The following TENM3 variants were observed in gnomAD, a reference collection of about 807,000 sequenced individuals.
TENM3 encodes the protein teneurin-3.
A neutral mutation model predicts 255.1 loss-of-function variants in TENM3; 63 were observed. The observed-to-expected ratio is 0.25, with a 90% CI of 0.20 to 0.30. The LOEUF (loss-of-function observed/expected upper bound fraction) is 0.30. Among genes scored for constraint, TENM3 ranks in the 10% least tolerant of loss-of-function variants. The probability of loss-of-function intolerance (pLI) is 1.00; values close to 1 mark genes in which losing one functional copy is unlikely to be tolerated. For synonymous variants in TENM3, 1,306 were observed against 1,322.3 expected (o/e 0.99, Z 0.27); for missense variants, 2,929 against 3,461.1 (o/e 0.85, Z 3.86).
At chr4:182,147,082 C>T (rs544367109) in intron 1 of TENM3, among the ~76,000 whole-genome samples, 2 of 152,128 alleles carry the variant, frequency 1.3e-5, no homozygotes, top group Non-Finnish European at 2.9e-5. Flanking sequence ...AGAAAGGAAA[C>T]CTAGCTAAAC....
chr4:181,795,171 C>T, the TENM3 span, among the ~76,000 whole-genome samples: 1 of 152,074 alleles, frequency 6.6e-6, no homozygotes, highest in African/African-American at 2.4e-5. Context: ...TTGGTCAGTT[C>T]AGGCTGCTAT....
chr4:182,125,591 A>T, the TENM3 span, among the ~76,000 whole-genome samples: 27 of 152,280 alleles, frequency 1.8e-4, no homozygotes, highest in African/African-American at 6.5e-4. Flanking sequence ...GTGATGATAA[A>T]ACTTTCATTG....
intron 3 of TENM3, among the ~76,000 whole-genome samples, chr4:182,523,943 T>A (rs769594748): frequency 6.6e-6 from 1 of 152,242 alleles, no homozygotes; most frequent in Non-Finnish European, 1.5e-5. Flanking sequence ...TTTCCTCATA[T>A]GTATCATAAC....
the TENM3 span, among the ~76,000 whole-genome samples, chr4:181,845,848 A>G: frequency 6.6e-6 from 1 of 152,196 alleles, no homozygotes. Context: ...ATCCTGTTTA[A>G]ACTGGAAGAG....
Position 182,324,266 on chromosome 4 carries a change from C to A in TENM3, c.232+14C>A, listed in dbSNP as rs1463245636. 1.3e-6 allele frequency: 2 copies of A among 1,581,778 alleles called. No individual in the cohort carries two copies. Reference sequence around the variant, plus strand: ...TCACTAGACAAGGTGGGTAACTGTCCTAGTAAAATAAGGCAATGCTCACGT... The same window carrying A: ...TCACTAGACAAGGTGGGTAACTGTCATAGTAAAATAAGGCAATGCTCACGT... On this transcript the variant is annotated intron_variant, in intron 2 of 27. Coordinates refer to ENST00000511685, the MANE Select transcript of TENM3 (RefSeq NM_001080477.4).
rs1465863117 is a variant in TENM3, at chr4:182,292,244, AAAC to A, written c.-75-31699_-75-31697del. Among the ~76,000 whole-genome samples the A allele has an allele frequency of 5.3e-5, 8 of 152,318 alleles. No individual in the cohort carries two copies. The South Asian group carries it at 1.7e-3, about 32-fold the overall frequency. On this transcript the variant is annotated intron_variant, in intron 1 of 27. Coordinates refer to ENST00000511685, the MANE Select transcript of TENM3 (RefSeq NM_001080477.4). ...GATACCTGCAACTAAACATAGAGAA[AAAC>A]AAAAACAGAGCCATCTCAGAGGCCC...
At chr4:181,592,957 A>G in the TENM3 span, among the ~76,000 whole-genome samples, 2 of 152,168 alleles carry the variant, frequency 1.3e-5, no homozygotes, top group Non-Finnish European at 2.9e-5. Flanking sequence ...AAATTATGGG[A>G]TAGGATTCTG....
intron 3 of TENM3, among the ~76,000 whole-genome samples, chr4:182,544,443 A>G (rs4862076): frequency 0.9 from 134,899 of 150,636 alleles, 60,471 homozygotes; most frequent in East Asian, 0.95. Context: ...CGACTCTCCT[A>G]CCTCAGTCTC....
intron 3 of TENM3, among the ~76,000 whole-genome samples, chr4:182,559,302 A>G (rs1324706966): frequency 6.6e-6 from 1 of 152,106 alleles, no homozygotes; most frequent in Non-Finnish European, 1.5e-5. Context: ...AAATTTGTCA[A>G]AAGTGGTATA....
the TENM3 span, among the ~76,000 whole-genome samples, chr4:181,705,327 G>A: frequency 6.6e-6 from 1 of 152,008 alleles, no homozygotes; most frequent in African/African-American, 2.4e-5. Flanking sequence ...AAGGCTTTAG[G>A]GAATACCAAT....
the TENM3 span, among the ~76,000 whole-genome samples, chr4:181,530,254 A>G: frequency 3.2e-4 from 49 of 152,346 alleles, no homozygotes; most frequent in South Asian, 9.9e-3. Context: ...AATAAGATGA[A>G]TGAATAATTG....
At chr4:182,298,642 G>A (rs1015101609) in intron 1 of TENM3, among the ~76,000 whole-genome samples, 2 of 152,022 alleles carry the variant, frequency 1.3e-5, no homozygotes, top group Non-Finnish European at 2.9e-5. Context: ...AGTGAAGATT[G>A]GAGAAAATGA....
At chr4:181,690,456 A>C in the TENM3 span, among the ~76,000 whole-genome samples, 1 of 152,250 alleles carries the variant, frequency 6.6e-6, no homozygotes. Flanking sequence ...GGGATATATA[A>C]CTGAGGTAGG....
At chr4:182,010,611 A>G in the TENM3 span, among the ~76,000 whole-genome samples, 1 of 152,244 alleles carries the variant, frequency 6.6e-6, no homozygotes, top group East Asian at 1.9e-4. Context: ...ATCCAATTCT[A>G]TTTTGAAATG....
chr4:181,712,394 C>T, the TENM3 span, among the ~76,000 whole-genome samples: 3 of 152,148 alleles, frequency 2.0e-5, no homozygotes, highest in Non-Finnish European at 4.4e-5. Flanking sequence ...GACCTCCCCA[C>T]TCTCTTGCTC....
At chr4:182,263,982 G>A (rs1348840374) in intron 1 of TENM3, among the ~76,000 whole-genome samples, 1 of 152,194 alleles carries the variant, frequency 6.6e-6, no homozygotes, top group African/African-American at 2.4e-5. Flanking sequence ...CAGGGCGATG[G>A]TGCCGCAAGC....
intron 3 of TENM3, among the ~76,000 whole-genome samples, chr4:182,363,836 G>C (rs1766208397): frequency 6.6e-6 from 1 of 152,116 alleles, no homozygotes; most frequent in Non-Finnish European, 1.5e-5. Context: ...GTTAATATAG[G>C]AGTGTTAATG....
chr4:181,556,061 G>A, the TENM3 span, among the ~76,000 whole-genome samples: 1 of 152,124 alleles, frequency 6.6e-6, no homozygotes, highest in South Asian at 2.1e-4. Context: ...ATTACCTTAG[G>A]GATGTTTTAT....
intron 1 of TENM3, among the ~76,000 whole-genome samples, chr4:182,211,642 T>C (rs1755048127): frequency 6.6e-6 from 1 of 152,200 alleles, no homozygotes; most frequent in Non-Finnish European, 1.5e-5. Flanking sequence ...TCAAAAGCGC[T>C]GGAATCCTTA....
Sources: allele counts gnomAD v4.1 joint callset (sites outside exome capture counted in the v4.1 genomes callset), GRCh38; gene constraint gnomAD v4.1.1; transcripts MANE v1.5; gene names NCBI Gene and HGNC (gene_info 2026-07-23, HGNC 2026-07-21).